The following ZFP14 variants were observed in gnomAD, a reference collection of about 807,000 sequenced individuals.
ZFP14 encodes ZFP14 zinc finger protein.
ZFP14 carries 22 observed loss-of-function variants against 54.5 expected under a neutral mutation model. That is an observed-to-expected ratio of 0.40 (90% CI 0.29 to 0.58). The LOEUF (loss-of-function observed/expected upper bound fraction) is 0.58, where lower values mean the gene tolerates loss of function less well. Among genes scored for constraint, ZFP14 ranks in the 20% least tolerant of loss-of-function variants. The probability of loss-of-function intolerance (pLI) is 0.39; values close to 1 mark genes in which losing one functional copy is unlikely to be tolerated. For synonymous variants in ZFP14, 159 were observed against 204.0 expected (o/e 0.78, Z 1.88); for missense variants, 470 against 637.8 (o/e 0.74, Z 2.83).
At chr19:36,349,367 A>C (rs2031483936) in intron 4 of ZFP14, among the ~76,000 whole-genome samples, 1 of 150,524 alleles carries the variant, frequency 6.6e-6, no homozygotes, top group African/African-American at 2.4e-5. Flanking sequence ...ACGCCCTTTG[A>C]AAATGTGAAT....
rs1331085427 is a variant in ZFP14, at chr19:36,349,851, TAAAAAAGAACAATAGATAG to T, written c.236-8280_236-8262del. The stretch of plus-strand genomic sequence containing the variant: ...AAGAAGATTTCAAGGTTGAAAGGAA[TAAAAAAGAACAATAGATAG>T]GCTGGGCGTGGTGGCTCACACCTGT... On this transcript the variant is annotated intron_variant, in intron 4 of 4. Coordinates refer to ENST00000270001, the MANE Select transcript of ZFP14 (RefSeq NM_020917.3). Among the ~76,000 whole-genome samples the T allele has an allele frequency of 1.2e-3, 171 of 143,074 alleles. 4 individuals carry two copies. The highest frequency in any genetic ancestry group is 7.5e-3 in the Middle Eastern group (2 of 268). 93.9% of individuals were successfully genotyped at this position (143,074 alleles called of 152,430 possible).
At chr19:36,359,238 C>G (rs948605781) in intron 4 of ZFP14, among the ~76,000 whole-genome samples, 1 of 152,048 alleles carries the variant, frequency 6.6e-6, no homozygotes, top group Non-Finnish European at 1.5e-5. Context: ...TCCTAATCAT[C>G]ATTTTTGTAT....
At chr19:36,345,194 C>T (rs2031392116) in intron 4 of ZFP14, among the ~76,000 whole-genome samples, 2 of 152,124 alleles carry the variant, frequency 1.3e-5, no homozygotes, top group East Asian at 1.9e-4. Flanking sequence ...ATCTGGGAGG[C>T]GGAGGTTGGG....
chr19:36,345,667 T>C (rs976376242), intron 4 of ZFP14, among the ~76,000 whole-genome samples: 1 of 152,190 alleles, frequency 6.6e-6, no homozygotes, highest in African/African-American at 2.4e-5. Flanking sequence ...AAGAATAGTT[T>C]GTGATCACTG....
Position 36,350,734 on chromosome 19 carries a change from C to T in ZFP14, c.236-9144G>A, listed in dbSNP as rs569679146. ...CATTTCACTGCAATATAAAATTAGG[C>T]ACACCACAGTAATCTGTTAAAAAAA... On this transcript the variant is annotated intron_variant, in intron 4 of 4. Transcript: ENST00000270001. 6.0e-4 allele frequency among the ~76,000 whole-genome samples: 86 copies of T among 142,218 alleles called. 10 individuals carry two copies. The highest frequency in any genetic ancestry group is 2.1e-3 in the African/African-American group (83 of 38,912). 93.3% of individuals were successfully genotyped at this position (142,218 alleles called of 152,430 possible).
At position 36,339,949 on chromosome 19, in the gene ZFP14, G is replaced by A. The variant is rs2031279033; in HGVS notation, c.*275C>T. 1 of 305,854 alleles carries A rather than the reference G, an allele frequency of 3.3e-6. No individual in the cohort carries two copies. The highest frequency in any genetic ancestry group is 6.0e-6 in the Non-Finnish European group (1 of 167,382). 18.9% of individuals were successfully genotyped at this position (305,854 alleles called of 1,614,324 possible). A position where few individuals can be genotyped will look rare whatever the true frequency, so the allele number is the denominator to read the frequency against. On this transcript the variant is annotated 3_prime_UTR_variant, in exon 5 of 5. Coordinates refer to ENST00000270001, the MANE Select transcript of ZFP14 (RefSeq NM_020917.3). ...CAGCAAAATGAGGCACAGAAGCTTA[G>A]TATCTTGTCCAATAAATCAAACTGG...
At chr19:36,355,895 G>A (rs1227457981) in intron 4 of ZFP14, among the ~76,000 whole-genome samples, 1 of 141,944 alleles carries the variant, frequency 7.0e-6, no homozygotes, top group Non-Finnish European at 1.6e-5. Context: ...TGTTACAGCA[G>A]CTTAAGATGA....
intron 1 of ZFP14, among the ~76,000 whole-genome samples, chr19:36,369,630 C>T (rs1300146079): frequency 4.0e-5 from 6 of 151,336 alleles, no homozygotes; most frequent in East Asian, 2.0e-4. Context: ...AGGCTGGTCT[C>T]GAACTCCTGA....
chr19:36,359,566 G>A (rs1415940272), intron 4 of ZFP14, among the ~76,000 whole-genome samples: 1 of 144,324 alleles, frequency 6.9e-6, no homozygotes, highest in African/African-American at 2.6e-5. Context: ...CCGGTAAGTT[G>A]TACTTTTCCA....
intron 4 of ZFP14, among the ~76,000 whole-genome samples, chr19:36,342,946 CT>C: frequency 6.6e-6 from 1 of 152,178 alleles, no homozygotes; most frequent in East Asian, 1.9e-4. Context: ...TCTTTTGCCA[CT>C]ATTCTGCTAA....
intron 4 of ZFP14, among the ~76,000 whole-genome samples, chr19:36,350,263 C>T (rs1233637779): frequency 7.0e-6 from 1 of 142,098 alleles, no homozygotes; most frequent in Non-Finnish European, 1.6e-5. Flanking sequence ...GATATAGTAA[C>T]CAGAATTTTC....
At chr19:36,363,274 A>T (rs1262472681) in intron 2 of ZFP14, among the ~76,000 whole-genome samples, 1 of 146,384 alleles carries the variant, frequency 6.8e-6, no homozygotes, top group Non-Finnish European at 1.5e-5. Flanking sequence ...GCTCATTGCA[A>T]GCTCCGCCTC....
chr19:36,355,450 T>C (rs1183812474), intron 4 of ZFP14, among the ~76,000 whole-genome samples: 1 of 141,838 alleles, frequency 7.1e-6, no homozygotes. Flanking sequence ...GGCAGAGGTA[T>C]GAGGATCACT....
chr19:36,359,883 G>A (rs2031681378), intron 4 of ZFP14, among the ~76,000 whole-genome samples: 1 of 152,072 alleles, frequency 6.6e-6, no homozygotes, highest in African/African-American at 2.4e-5. Flanking sequence ...TGGAACCCCT[G>A]ACCTCAAGTG....
chr19:36,359,810 A>G (rs1157267373), intron 4 of ZFP14, among the ~76,000 whole-genome samples: 1 of 152,016 alleles, frequency 6.6e-6, no homozygotes, highest in Non-Finnish European at 1.5e-5. Flanking sequence ...GCCCGCCACT[A>G]TGCCCAGCTA....
intron 2 of ZFP14, among the ~76,000 whole-genome samples, chr19:36,367,194 T>A (rs1412548417): frequency 6.6e-6 from 1 of 151,978 alleles, no homozygotes; most frequent in Non-Finnish European, 1.5e-5. Flanking sequence ...TGGGGACACC[T>A]ATTTTTTCTA....
At chr19:36,360,170 C>A in intron 4 of ZFP14, 1 of 259,332 alleles carries the variant, frequency 3.9e-6, no homozygotes, top group East Asian at 6.8e-5. Flanking sequence ...TTTATTTTTT[C>A]TTCTACCAGG....
At chr19:36,346,141 C>T (rs1208142688) in intron 4 of ZFP14, among the ~76,000 whole-genome samples, 1 of 151,852 alleles carries the variant, frequency 6.6e-6, no homozygotes, top group Non-Finnish European at 1.5e-5. Flanking sequence ...AAAAATTAGC[C>T]AGGCATGGTG....
intron 1 of ZFP14, chr19:36,378,724 C>T (rs893328386): frequency 6.6e-6 from 1 of 152,206 alleles, no homozygotes; most frequent in Non-Finnish European, 1.5e-5. Context: ...GACACACCCC[C>T]GCTAGCGCAC....
Sources: allele counts gnomAD v4.1 joint callset (sites outside exome capture counted in the v4.1 genomes callset), GRCh38; gene constraint gnomAD v4.1.1; transcripts MANE v1.5; gene names NCBI Gene and HGNC (gene_info 2026-07-23, HGNC 2026-07-21).